The following ADAM23 variants were observed in gnomAD, a reference collection of about 807,000 sequenced individuals.
ADAM23 encodes the protein disintegrin and metalloproteinase domain-containing protein 23.
A neutral mutation model predicts 120.1 loss-of-function variants in ADAM23; 33 were observed. The ratio of observed to expected loss-of-function variants is 0.27; its 90% CI spans 0.21 to 0.37. The LOEUF (loss-of-function observed/expected upper bound fraction) is 0.37. Ranked by LOEUF, ADAM23 falls within the 10% of genes least tolerant of loss-of-function variation. ADAM23 has a pLI of 1.00. For missense variants in ADAM23, 862 were observed against 1,058.2 expected (o/e 0.81, Z 2.57); for synonymous variants, 367 against 375.2 (o/e 0.98, Z 0.25).
intron 6 of ADAM23, among the ~76,000 whole-genome samples, 188 bp downstream of exon 6, chr2:206,543,504 A>G (rs949815529): frequency 1.3e-5 from 2 of 152,192 alleles, no homozygotes; most frequent in Admixed American, 6.5e-5. Flanking sequence ...CCCGTAAAGG[A>G]TAGTAAAAGA....
intron 3 of ADAM23, among the ~76,000 whole-genome samples, chr2:206,506,878 C>G (rs904033593): frequency 1.3e-5 from 2 of 152,150 alleles, no homozygotes; most frequent in Admixed American, 6.5e-5. Flanking sequence ...ATCATACTTG[C>G]ATTTTGACAT....
chr2:206,616,033 T>C (rs961058452), intron 25 of ADAM23, among the ~76,000 whole-genome samples: 5 of 152,232 alleles, frequency 3.3e-5, no homozygotes, highest in African/African-American at 4.8e-5. Context: ...TCTTGAGTTC[T>C]AGCAATACAT....
intron 18 of ADAM23, among the ~76,000 whole-genome samples, chr2:206,581,967 T>C (rs1240176872): frequency 2.0e-5 from 3 of 152,116 alleles, no homozygotes; most frequent in Non-Finnish European, 2.9e-5. Context: ...AACCTCTGCC[T>C]CCCAGGTTCA....
chr2:206,523,046 C>T (rs192153044), intron 3 of ADAM23, among the ~76,000 whole-genome samples: 303 of 152,250 alleles, frequency 2.0e-3, no homozygotes, highest in Middle Eastern at 3.4e-3. Context: ...AGGGAACTCT[C>T]ACTGGCTTTT....
At chr2:206,496,847 A>G (rs1192901508) in intron 3 of ADAM23, among the ~76,000 whole-genome samples, 1 of 152,208 alleles carries the variant, frequency 6.6e-6, no homozygotes, top group Non-Finnish European at 1.5e-5. Flanking sequence ...AGAAATACAA[A>G]CTACCATCAG....
intron 2 of ADAM23, among the ~76,000 whole-genome samples, chr2:206,465,819 C>T (rs886893642): frequency 1.3e-5 from 2 of 152,048 alleles, no homozygotes; most frequent in Admixed American, 6.5e-5. Flanking sequence ...GCTCGGAGAA[C>T]AGATGTAGGA....
chr2:206,566,213 TAAA>T (rs2105826696), intron 14 of ADAM23, among the ~76,000 whole-genome samples: 1 of 148,934 alleles, frequency 6.7e-6, no homozygotes, highest in East Asian at 1.9e-4. Context: ...TTTTATATAA[TAAA>T]ATATATAAAA....
Position 206,589,479 on chromosome 2 carries a change from G to C in ADAM23, c.1923G>C (p.Gly641=). The C allele has an allele frequency of 6.2e-7, 1 of 1,613,850 alleles. No individual in the cohort carries two copies. Among genetic ancestry groups the C allele is most frequent in the South Asian group, 1.1e-5 (1 of 90,984 alleles). Reference sequence around the variant, plus strand: ...AAGGCACTGAGAAGGGAAACTGCGGGAAGGATGGAGACCGGTGGATTCAGT... The same window carrying C: ...AAGGCACTGAGAAGGGAAACTGCGGCAAGGATGGAGACCGGTGGATTCAGT... ...NTEGTEKGNC[G]KDGDRWIQCS... is the part of the protein sequence containing the mutation. Residue 641 remains glycine, a synonymous_variant, in exon 21 of 26, where the codon GGG becomes GGC. Transcript: ENST00000264377.
intron 4 of ADAM23, among the ~76,000 whole-genome samples, chr2:206,531,511 ATTCC>A (rs1412272741): frequency 6.6e-6 from 1 of 152,194 alleles, no homozygotes; most frequent in East Asian, 1.9e-4. Flanking sequence ...TGGGTATCTG[ATTCC>A]TTCATTTGGA....
intron 2 of ADAM23, among the ~76,000 whole-genome samples, chr2:206,460,591 G>T (rs960592505): frequency 7.3e-5 from 11 of 151,578 alleles, no homozygotes; most frequent in African/African-American, 2.7e-4. Flanking sequence ...GTTTTTTTTG[G>T]TTGTTGCTGC....
chr2:206,594,948 G>A (rs1040601307), intron 23 of ADAM23, 43 bp downstream of exon 23: 2 of 1,606,022 alleles, frequency 1.2e-6, no homozygotes, highest in African/African-American at 2.7e-5. Flanking sequence ...TCATGGTCTG[G>A]CATGGTCACA....
At chr2:206,494,245 A>G (rs1306472870) in intron 3 of ADAM23, among the ~76,000 whole-genome samples, 2 of 152,076 alleles carry the variant, frequency 1.3e-5, no homozygotes, top group Non-Finnish European at 2.9e-5. Flanking sequence ...GGAAACTGAA[A>G]CCCTTTGACC....
Position 206,570,757 on chromosome 2 carries a change from A to T in ADAM23, c.1512A>T (p.Glu504Asp). 6.2e-7 allele frequency: 1 copy of T among 1,613,782 alleles called. No homozygotes were observed. Among genetic ancestry groups the T allele is most frequent in the Non-Finnish European group, 8.5e-7 (1 of 1,179,742 alleles). ...NRPTKLFEPT[E>D]CGNGYVEAGE... ...CTCTTTAGCTATTTGAGCCCACGGA[A>T]TGTGGAAATGGATACGTGGAAGCTG... is the stretch of plus-strand genomic sequence containing the variant. Residue 504 changes from glutamate to aspartate, a missense_variant, in exon 16 of 26, where the codon GAA becomes GAT. Physicochemically the swap from Glu to Asp is conservative, Grantham distance 45. Around this residue, in one of 4 missense-constraint regions of ADAM23, gnomAD observed 617 missense variants for 813.5 expected, o/e 0.76. Coordinates refer to ENST00000264377, the MANE Select transcript of ADAM23 (RefSeq NM_003812.4).
chr2:206,543,217 T>C, intron 5 of ADAM23, 36 bp from the exon 6 acceptor site: 2 of 1,598,166 alleles, frequency 1.3e-6, no homozygotes, highest in Admixed American at 1.7e-5. Flanking sequence ...CCTGTGTTTG[T>C]TTATTCCCTC....
intron 3 of ADAM23, among the ~76,000 whole-genome samples, chr2:206,525,751 C>G (rs574577638): frequency 6.6e-6 from 1 of 152,044 alleles, no homozygotes; most frequent in African/African-American, 2.4e-5. Flanking sequence ...ACCACCACAC[C>G]TGGCTAATTT....
At chr2:206,483,183 G>C (rs1395398307) in intron 3 of ADAM23, among the ~76,000 whole-genome samples, 1 of 152,178 alleles carries the variant, frequency 6.6e-6, no homozygotes, top group Non-Finnish European at 1.5e-5. Context: ...AAAATTATTA[G>C]GATTGCTCCA....
intron 2 of ADAM23, among the ~76,000 whole-genome samples, chr2:206,456,772 A>T (rs537066006): frequency 6.6e-6 from 1 of 152,332 alleles, no homozygotes; most frequent in South Asian, 2.1e-4. Flanking sequence ...GGGGCTAAAG[A>T]TTAAATTTAG....
At chr2:206,452,959 C>T (rs1695227819) in intron 2 of ADAM23, among the ~76,000 whole-genome samples, 1 of 152,240 alleles carries the variant, frequency 6.6e-6, no homozygotes, top group Non-Finnish European at 1.5e-5. Flanking sequence ...ATCAGTCCCA[C>T]TGCTGACAGA....
intron 2 of ADAM23, among the ~76,000 whole-genome samples, chr2:206,475,778 A>T (rs550824620): frequency 2.0e-5 from 3 of 152,130 alleles, no homozygotes; most frequent in Admixed American, 6.6e-5. Context: ...CCTGAATCTC[A>T]AAAAAAGGTG....
Sources: allele counts gnomAD v4.1 joint callset (sites outside exome capture counted in the v4.1 genomes callset), GRCh38; gene constraint gnomAD v4.1.1; regional missense constraint gnomAD v4.1.1; transcripts MANE v1.5; gene names NCBI Gene and HGNC (gene_info 2026-07-23, HGNC 2026-07-21).